Variants in DMD observed in about 807,000 individuals in gnomAD.
DMD encodes the protein mutant dystrophin.
Under a neutral mutation model 330.1 loss-of-function variants are expected in DMD, and 63 were observed. That is an observed-to-expected ratio of 0.19 (90% CI 0.16 to 0.24). DMD has a LOEUF of 0.24. Among genes scored for constraint, DMD ranks in the 10% least tolerant of loss-of-function variants. The pLI is 1.00. For synonymous variants in DMD, 1,223 were observed against 959.8 expected, an observed-to-expected ratio of 1.27 and a Z score of -5.07; for missense variants, 3,344 against 2,684.1, an observed-to-expected ratio of 1.25 and a Z score of -5.43.
chrX:32,343,026 A>T (rs2097751971), intron 40 of DMD, 108 bp downstream of exon 40: 1 of 825,265 alleles, frequency 1.2e-6, no homozygotes, highest in Admixed American at 2.3e-5. Flanking sequence ...GCATCAAATC[A>T]AAGAGAACGT....
intron 44 of DMD, among the ~76,000 whole-genome samples, chrX:32,011,824 C>T (rs966647): frequency 0.031 from 3,423 of 111,853 alleles, 54 homozygotes; most frequent in Non-Finnish European, 0.048. Context: ...ACTCTCATCA[C>T]CTACGGAATT....
intron 54 of DMD, among the ~76,000 whole-genome samples, 199 bp from the exon 55 acceptor site, chrX:31,628,061 C>T (rs969998026): frequency 3.6e-5 from 4 of 110,787 alleles, no homozygotes; most frequent in Middle Eastern, 4.6e-3. Context: ...AACTTAAAGG[C>T]GTTTGTATGG....
intron 51 of DMD, among the ~76,000 whole-genome samples, chrX:31,763,933 T>G (rs2089813103): frequency 9.0e-6 from 1 of 111,610 alleles, no homozygotes; most frequent in Admixed American, 9.6e-5. Flanking sequence ...TGGAATCCAG[T>G]GGCGCTATCA....
chrX:32,770,592 C>T (rs1258400510), intron 7 of DMD, among the ~76,000 whole-genome samples: 1 of 111,146 alleles, frequency 9.0e-6, no homozygotes, highest in Admixed American at 9.6e-5. Context: ...TTATGAGTTG[C>T]ATAAAATTAT....
intron 1 of DMD, among the ~76,000 whole-genome samples, chrX:33,120,645 C>T (rs2095417347): frequency 9.0e-6 from 1 of 110,673 alleles, no homozygotes; most frequent in African/African-American, 3.3e-5. Context: ...CTTTGGGAGG[C>T]CGAGGCAGGC....
chrX:33,330,774 C>T (rs931288204), intron 1 of DMD, among the ~76,000 whole-genome samples: 3 of 111,736 alleles, frequency 2.7e-5, no homozygotes, highest in Admixed American at 9.5e-5. Flanking sequence ...TCAAATATGT[C>T]GCTTTACCCT....
Position 31,266,159 on chromosome X carries a change from C to CAAAAAAAAAAAA in DMD, c.9225-5155_9225-5144dup, listed in dbSNP as rs1174153877. Among the ~76,000 whole-genome samples, 33 of 13,327 alleles carry CAAAAAAAAAAAA rather than the reference C, an allele frequency of 2.5e-3. 6 individuals are homozygous for CAAAAAAAAAAAA. The highest frequency in any genetic ancestry group is 8.9e-3 in the African/African-American group (24 of 2,690). 11.6% of individuals were successfully genotyped at this position (13,327 alleles called of 115,157 possible). A position where few individuals can be genotyped will look rare whatever the true frequency, so the allele number is the denominator to read the frequency against. On this transcript the variant is annotated intron_variant, in intron 62 of 78. Coordinates refer to ENST00000357033, the MANE Select transcript of DMD (RefSeq NM_004006.3). ...TGACTCCACACCCAATCCCGAAGGG[C>CAAAAAAAAAAAA]AAAAAAAAAAAAAAAAAAAAAAAAG...
At chrX:32,330,120 A>C (rs1569558091) in intron 41 of DMD, among the ~76,000 whole-genome samples, 1 of 112,366 alleles carries the variant, frequency 8.9e-6, no homozygotes, top group African/African-American at 3.2e-5. Context: ...ACTATACTCA[A>C]AAGATTAAAT....
chrX:32,992,763 G>A (rs1449137887), intron 2 of DMD, among the ~76,000 whole-genome samples: 2 of 109,041 alleles, frequency 1.8e-5, no homozygotes, highest in East Asian at 2.9e-4. Flanking sequence ...AAAATTAGCT[G>A]GGCATGGTGG....
intron 11 of DMD, among the ~76,000 whole-genome samples, chrX:32,628,434 T>A (rs1338333030): frequency 9.3e-6 from 1 of 107,155 alleles, no homozygotes; most frequent in Non-Finnish European, 1.9e-5. Flanking sequence ...AGCTTAAGAC[T>A]TGTCATTTTT....
intron 41 of DMD, among the ~76,000 whole-genome samples, chrX:32,322,053 T>C (rs2097619170): frequency 9.0e-6 from 1 of 110,595 alleles, no homozygotes; most frequent in African/African-American, 3.3e-5. Flanking sequence ...TATATCACAA[T>C]TTAAAGACAA....
chrX:32,992,192 G>A (rs2092995293), intron 2 of DMD, among the ~76,000 whole-genome samples: 1 of 111,279 alleles, frequency 9.0e-6, no homozygotes, highest in African/African-American at 3.3e-5. Flanking sequence ...ATGTAGATCT[G>A]TGATCTGACA....
intron 55 of DMD, among the ~76,000 whole-genome samples, chrX:31,522,363 C>CTCTCTCTCTCTCTATATATATA: frequency 1.1e-3 from 40 of 35,962 alleles, no homozygotes; most frequent in African/African-American, 1.5e-3. Flanking sequence ...CTCTCTCTCT[C>CTCTCTCTCTCTCTATATATATA]TATATATATA....
At chrX:32,539,345 A>C (rs1312749197) in intron 17 of DMD, among the ~76,000 whole-genome samples, 3 of 110,797 alleles carry the variant, frequency 2.7e-5, no homozygotes, top group Non-Finnish European at 5.7e-5. Flanking sequence ...AAGTTATTTA[A>C]CCTTTCTGGA....
At chrX:33,132,975 A>T (rs2095507683) in intron 1 of DMD, among the ~76,000 whole-genome samples, 1 of 111,970 alleles carries the variant, frequency 8.9e-6, no homozygotes, top group African/African-American at 3.2e-5. Context: ...AATCACTCAC[A>T]TTTCCCAAGG....
chrX:31,447,864 G>A (rs951603617), intron 59 of DMD, among the ~76,000 whole-genome samples: 2 of 107,898 alleles, frequency 1.9e-5, no homozygotes, highest in South Asian at 4.1e-4. Context: ...AAAATTATTC[G>A]GGCGTGGTGG....
At chrX:33,079,757 G>C (rs899773939) in intron 1 of DMD, among the ~76,000 whole-genome samples, 1 of 111,103 alleles carries the variant, frequency 9.0e-6, no homozygotes, top group African/African-American at 3.3e-5. Flanking sequence ...TAGAATCCCA[G>C]GTCACCATAA....
chrX:31,940,418 G>T (rs1236944518), intron 45 of DMD, among the ~76,000 whole-genome samples: 1 of 111,617 alleles, frequency 9.0e-6, no homozygotes, highest in African/African-American at 3.3e-5. Context: ...CAAAAGTGAT[G>T]CTCATGAATA....
chrX:32,775,388 G>C (rs2074038107), intron 7 of DMD, among the ~76,000 whole-genome samples: 1 of 112,790 alleles, frequency 8.9e-6, no homozygotes, highest in Admixed American at 9.3e-5. Context: ...CATTGCCCTA[G>C]TAGAGGTTCT....
Sources: gnomAD v4.1 joint callset for allele counts (sites outside exome capture counted in the v4.1 genomes callset) on GRCh38, gnomAD v4.1.1 for gene constraint, MANE v1.5 for transcripts, NCBI Gene and HGNC (gene_info 2026-07-23, HGNC 2026-07-21) for gene names.